The following BMX variants were observed in gnomAD, a reference collection of about 807,000 sequenced individuals.
BMX encodes the protein cytoplasmic tyrosine-protein kinase BMX.
A neutral mutation model predicts 59.2 loss-of-function variants in BMX; 31 were observed. The observed-to-expected ratio is 0.52, with a 90% CI of 0.39 to 0.71. The LOEUF is 0.71. Ranked by LOEUF, BMX falls within the 30% of genes least tolerant of loss-of-function variation. BMX has a pLI of 0.00. For missense variants in BMX, 474 were observed against 491.7 expected, an observed-to-expected ratio of 0.96 and a Z score of 0.34; for synonymous variants, 185 against 181.0, an observed-to-expected ratio of 1.02 and a Z score of -0.18.
chrX:15,522,738 T>A, intron 7 of BMX, 151 bp downstream of exon 7: 1 of 801,056 alleles, frequency 1.2e-6, no homozygotes, highest in Non-Finnish European at 1.8e-6. Flanking sequence ...GGGGAAGCAG[T>A]GGCCCCACTG....
chrX:15,517,753 T>C (rs1157914223), intron 5 of BMX, among the ~76,000 whole-genome samples, 176 bp from the exon 6 acceptor site: 1 of 112,563 alleles, frequency 8.9e-6, no homozygotes, highest in African/African-American at 3.2e-5. Flanking sequence ...ATGGCCTACA[T>C]AGGAGTTGGG....
intron 9 of BMX, 134 bp from the exon 10 acceptor site, chrX:15,529,839 C>A: frequency 2.2e-6 from 1 of 457,514 alleles, no homozygotes; most frequent in Non-Finnish European, 3.7e-6. Context: ...CTCCTCAAAT[C>A]ATTCTCTGGA....
At chrX:15,542,357 G>C (rs950927510) in intron 15 of BMX, among the ~76,000 whole-genome samples, 159 bp downstream of exon 15, 8 of 111,817 alleles carry the variant, frequency 7.2e-5, no homozygotes, top group Admixed American at 3.8e-4. Context: ...AAAAATCAAT[G>C]TAAAAATATT....
chrX:15,531,551 T>C (rs1212872106), intron 11 of BMX, 144 bp downstream of exon 11: 10 of 522,695 alleles, frequency 1.9e-5, no homozygotes, highest in Non-Finnish European at 3.1e-5. Flanking sequence ...TGACCATTTG[T>C]AGTTGCCTCC....
In BMX at chrX:15,508,421, C is replaced by A. The variant is rs774098459; in HGVS notation, c.68C>A (p.Pro23Gln). 2.5e-6 allele frequency: 3 copies of A among 1,184,779 alleles called. No homozygotes were observed. The highest frequency in any genetic ancestry group is 3.4e-6 in the Non-Finnish European group (3 of 878,578). ...KRSQQKKKMS[P>Q]NNYKERLFVL... Reference sequence around the variant, plus strand: ...TCACAGCAAAAGAAGAAAATGTCACCAAATAATTACAAAGAACGGCTTTTT... The same window carrying A: ...TCACAGCAAAAGAAGAAAATGTCACAAAATAATTACAAAGAACGGCTTTTT... The change falls in exon 2 of 19, where the codon CCA becomes CAA. Residue 23 changes from proline (P) to glutamine (Q), a missense_variant. Pro to Gln is a moderately conservative substitution (Grantham distance 76, BLOSUM62 -1). Transcript: ENST00000348343.
intron 4 of BMX, 51 bp downstream of exon 4, chrX:15,511,569 AAG>A (rs763154649): frequency 1.1e-5 from 12 of 1,067,440 alleles, no homozygotes; most frequent in Admixed American, 5.2e-5. Flanking sequence ...AAAGCCATAA[AAG>A]AGAGTCGTTT....
chrX:15,509,472 T>C, intron 3 of BMX, 39 bp downstream of exon 3: 2 of 937,338 alleles, frequency 2.1e-6, no homozygotes, highest in South Asian at 4.6e-5. Context: ...TGGATAGTTC[T>C]TCCTTCAATT....
At chrX:15,516,066 G>T (rs1457025296) in intron 4 of BMX, 46 bp from the exon 5 acceptor site, 2 of 1,194,933 alleles carry the variant, frequency 1.7e-6, no homozygotes, top group Non-Finnish European at 2.3e-6. Flanking sequence ...TCTCCTCTTG[G>T]ATCAACGTTT....
intron 4 of BMX, among the ~76,000 whole-genome samples, chrX:15,513,535 A>G (rs889727021): frequency 8.9e-6 from 1 of 112,075 alleles, no homozygotes; most frequent in African/African-American, 3.2e-5. Context: ...TCATTGTGCT[A>G]TAATGGCTCC....
At chrX:15,530,136 C>A in intron 10 of BMX, 109 bp downstream of exon 10, 4 of 763,954 alleles carry the variant, frequency 5.2e-6, no homozygotes, top group Non-Finnish European at 7.7e-6. Context: ...ATAGTCAAGT[C>A]ATTGTAGTGT....
At chrX:15,540,023 T>C (rs908675209) in intron 14 of BMX, among the ~76,000 whole-genome samples, 4 of 112,248 alleles carry the variant, frequency 3.6e-5, no homozygotes, top group Non-Finnish European at 5.6e-5. Context: ...GACAGTGTGG[T>C]GATTCCTCAA....
chrX:15,550,034 A>G, intron 18 of BMX, 37 bp downstream of exon 18: 1 of 1,177,850 alleles, frequency 8.5e-7, no homozygotes, highest in Non-Finnish European at 1.1e-6. Flanking sequence ...AAGGGGTCTC[A>G]GGCACATCCG....
At chrX:15,543,387 G>A (rs1415698670) in intron 16 of BMX, among the ~76,000 whole-genome samples, 2 of 110,714 alleles carry the variant, frequency 1.8e-5, no homozygotes, top group Non-Finnish European at 3.8e-5. Flanking sequence ...ACATGTTACA[G>A]CCACATTATT....
chrX:15,530,030 A>G lies in BMX; in HGVS notation c.939+3A>G. On this transcript the variant is annotated splice_donor_region_variant and intron_variant, in intron 10 of 18. Transcript: ENST00000348343. ...CTGAACAGTTACTCAGACAAAAGGT[A>G]AATAGTCTTGTCTTTAAAACAGCCT... is the stretch of plus-strand genomic sequence containing the variant. 1 of 1,203,294 alleles carries G rather than the reference A, an allele frequency of 8.3e-7. No homozygotes were observed. The highest frequency in any genetic ancestry group is 1.1e-6 in the Non-Finnish European group (1 of 888,599).
intron 1 of BMX, among the ~76,000 whole-genome samples, chrX:15,503,102 C>A (rs191631994): frequency 1.8e-5 from 2 of 111,837 alleles, no homozygotes; most frequent in East Asian, 5.6e-4. Context: ...TTTAAAGACA[C>A]CACCCTGAGC....
At position 15,543,006 on chromosome X, in the gene BMX, G is replaced by A; in HGVS notation, c.1612-65G>A. The A allele has an allele frequency of 2.9e-6, 3 of 1,043,525 alleles. No homozygotes were observed. The South Asian group carries it at 6.1e-5, about 21-fold the overall frequency. The allele number at this position is 1,043,525 out of a possible 1,213,427, so 86.0% of individuals were successfully genotyped here. ...ATTTTGCTGAGAATTCTACTCAAAA[G>A]GAGGAAAATGTCAGGAGATTCTTGG... On this transcript the variant is annotated intron_variant, in intron 15 of 18. Coordinates refer to ENST00000348343, the MANE Select transcript of BMX (RefSeq NM_203281.3).
chrX:15,532,827 T>C (rs1226167928), intron 11 of BMX, among the ~76,000 whole-genome samples: 2 of 112,595 alleles, frequency 1.8e-5, no homozygotes, highest in African/African-American at 6.5e-5. Context: ...ATTTTGCACA[T>C]GGTAACACCT....
At chrX:15,522,030 A>G (rs914575708) in intron 6 of BMX, among the ~76,000 whole-genome samples, 7 of 111,295 alleles carry the variant, frequency 6.3e-5, no homozygotes, top group African/African-American at 2.3e-4. Context: ...TGTTGTGTAT[A>G]TATACGTAAA....
intron 3 of BMX, among the ~76,000 whole-genome samples, 186 bp downstream of exon 3, chrX:15,509,619 A>G (rs987795768): frequency 4.5e-5 from 5 of 110,951 alleles, no homozygotes; most frequent in African/African-American, 1.6e-4. Flanking sequence ...CCTGGAGGGA[A>G]GGGAAGGGAA....
Sources: allele counts gnomAD v4.1 joint callset (sites outside exome capture counted in the v4.1 genomes callset), GRCh38; gene constraint gnomAD v4.1.1; transcripts MANE v1.5; gene names NCBI Gene and HGNC (gene_info 2026-07-23, HGNC 2026-07-21).